SUCO: variants seen among roughly 807,000 people sequenced by gnomAD.
The protein encoded by SUCO is SUN domain-containing ossification factor.
A neutral mutation model predicts 148.1 loss-of-function variants in SUCO; 57 were observed. The observed-to-expected ratio is 0.38, with a 90% CI of 0.31 to 0.48. The LOEUF is 0.48. Ranked by LOEUF, SUCO falls within the 20% of genes least tolerant of loss-of-function variation. The pLI is 0.96. For missense variants in SUCO, 1,331 were observed against 1,468.2 expected (o/e 0.91, Z 1.53); for synonymous variants, 470 against 502.7 (o/e 0.93, Z 0.87).
chr1:172,533,362 T>C lies in SUCO; in HGVS notation c.-74T>C. 2 of 1,551,776 alleles carry C rather than the reference T, an allele frequency of 1.3e-6. No individual in the cohort carries two copies. Among genetic ancestry groups the C allele is most frequent in the Non-Finnish European group, 1.7e-6 (2 of 1,147,050 alleles). On this transcript the variant is annotated 5_prime_UTR_variant, in exon 1 of 24. Transcript: ENST00000263688. The stretch of plus-strand genomic sequence containing the variant: ...ATTCTCGCGCTCCTGCTCCGGCTCC[T>C]CCATCTTGGCCTCGGCAGTGGCGGC...
Position 172,570,107 on chromosome 1 carries a change from A to T in SUCO, c.917A>T (p.Asn306Ile), listed in dbSNP as rs368774692. ...CATGCCACCAAAAAGGTCCAGAAAAATCGAAATAATTATGCCTCAGTAGAA... is the reference window on the plus strand; with the variant it reads ...CATGCCACCAAAAAGGTCCAGAAAATTCGAAATAATTATGCCTCAGTAGAA... The part of the protein sequence containing the change: ...GSHATKKVQK[N>I]RNNYASVECG... Residue 306 changes from asparagine to isoleucine, a missense_variant, in exon 8 of 24, where the codon AAT (asparagine) becomes ATT (isoleucine). Coordinates refer to ENST00000263688, the MANE Select transcript of SUCO (RefSeq NM_014283.5). 206 of 1,596,282 alleles carry T rather than the reference A, an allele frequency of 1.3e-4. 1 individual carries two copies. Among genetic ancestry groups the T allele is most frequent in the Non-Finnish European group, 1.7e-4 (194 of 1,169,858 alleles).
At chr1:172,559,546 C>T (rs944795963) in intron 6 of SUCO, among the ~76,000 whole-genome samples, 3 of 151,546 alleles carry the variant, frequency 2.0e-5, no homozygotes, top group African/African-American at 7.3e-5. Flanking sequence ...CGGCAGTGTA[C>T]AGCAGCAGCA....
chr1:172,581,023 C>G (rs1655842027), intron 15 of SUCO, among the ~76,000 whole-genome samples: 3 of 152,102 alleles, frequency 2.0e-5, no homozygotes, highest in African/African-American at 7.2e-5. Context: ...TCGCTTGAAC[C>G]CAGGAGGCGG....
intron 21 of SUCO, 106 bp from the exon 22 acceptor site, chr1:172,602,590 G>T (rs561119555): frequency 3.3e-6 from 5 of 1,494,080 alleles, no homozygotes; most frequent in South Asian, 1.5e-5. Flanking sequence ...AGTTAGTCCC[G>T]TGTGGTATGT....
intron 3 of SUCO, 101 bp from the exon 4 acceptor site, chr1:172,555,768 A>T: frequency 2.1e-6 from 2 of 941,680 alleles, no homozygotes; most frequent in Non-Finnish European, 3.0e-6. Context: ...CATTGTTTAT[A>T]TTGTCATTTT....
At chr1:172,566,108 G>A (rs1029158242) in intron 6 of SUCO, among the ~76,000 whole-genome samples, 3 of 152,206 alleles carry the variant, frequency 2.0e-5, no homozygotes, top group Admixed American at 2.0e-4. Flanking sequence ...TGAGGCAGTG[G>A]CATTATGGCC....
chr1:172,568,014 C>A (rs1343240295), intron 6 of SUCO, among the ~76,000 whole-genome samples: 6 of 152,176 alleles, frequency 3.9e-5, no homozygotes, highest in Non-Finnish European at 8.8e-5. Context: ...TCAGTGGTGG[C>A]ATTAGAATCT....
At chr1:172,568,430 G>C (rs1012709743) in intron 6 of SUCO, 2 of 978,098 alleles carry the variant, frequency 2.0e-6, no homozygotes, top group Admixed American at 6.4e-5. Flanking sequence ...TGTCATTTAT[G>C]GTTAACCTAA....
At chr1:172,597,879 T>C (rs994021081) in intron 19 of SUCO, among the ~76,000 whole-genome samples, 4 of 152,350 alleles carry the variant, frequency 2.6e-5, no homozygotes, top group Middle Eastern at 3.4e-3. Flanking sequence ...AGATACACTT[T>C]GCAAATATTT....
intron 19 of SUCO, among the ~76,000 whole-genome samples, chr1:172,592,251 C>A (rs1160191692): frequency 6.6e-6 from 1 of 152,290 alleles, no homozygotes; most frequent in African/African-American, 2.4e-5. Context: ...ATGGTAGTTT[C>A]TTTTGCTGTG....
rs1427136296 is a variant in SUCO, at chr1:172,588,809, G to A, written c.1708G>A (p.Asp570Asn). ...HTHDMEPSTP[D>N]TPKESPIVQL... Reference sequence around the variant, plus strand: ...ACATGACATGGAGCCGTCAACACCAGATACTCCAAAAGAGAGTCCCATTGT... The same window carrying A: ...ACATGACATGGAGCCGTCAACACCAAATACTCCAAAAGAGAGTCCCATTGT... The change falls in exon 18 of 24, where the codon GAT (aspartate) becomes AAT (asparagine). Residue 570 changes from aspartate (D) to asparagine (N), a missense_variant. Coordinates refer to ENST00000263688, the MANE Select transcript of SUCO (RefSeq NM_014283.5). The A allele has an allele frequency of 2.5e-6, 4 of 1,592,558 alleles. No individual in the cohort carries two copies. Among genetic ancestry groups the A allele is most frequent in the Non-Finnish European group, 3.4e-6 (4 of 1,170,826 alleles).
intron 9 of SUCO, 65 bp from the exon 10 acceptor site, chr1:172,573,826 T>C (rs1655223385): frequency 1.1e-6 from 1 of 875,210 alleles, no homozygotes; most frequent in East Asian, 2.5e-5. Context: ...AAACTGTTAA[T>C]GTCATATTTA....
intron 22 of SUCO, among the ~76,000 whole-genome samples, chr1:172,607,846 CAAT>C (rs1031265145): frequency 4.7e-4 from 71 of 151,920 alleles, no homozygotes; most frequent in African/African-American, 1.7e-3. Context: ...ATGACTTTCT[CAAT>C]AAATCTCTGA....
At chr1:172,596,260 G>T (rs772087269) in intron 19 of SUCO, among the ~76,000 whole-genome samples, 23 of 152,052 alleles carry the variant, frequency 1.5e-4, no homozygotes, top group Non-Finnish European at 2.9e-4. Context: ...GTTATTACCA[G>T]TTGTCTGAAG....
chr1:172,607,351 A>G (rs1386880898), intron 22 of SUCO, among the ~76,000 whole-genome samples: 2 of 151,558 alleles, frequency 1.3e-5, no homozygotes, highest in African/African-American at 2.4e-5. Context: ...CCACCAGGTG[A>G]TGATAATTTG....
At chr1:172,600,190 G>T (rs1486716851) in intron 20 of SUCO, 22 bp downstream of exon 20, 2 of 1,528,814 alleles carry the variant, frequency 1.3e-6, no homozygotes, top group African/African-American at 2.7e-5. Flanking sequence ...TGCTGGTATT[G>T]CGAGACCCAA....
intron 22 of SUCO, 78 bp from the exon 23 acceptor site, chr1:172,608,669 A>C: frequency 1.1e-6 from 1 of 929,740 alleles, no homozygotes; most frequent in Non-Finnish European, 1.7e-6. Context: ...GATTTGTCTT[A>C]TTTTAGTGTT....
At chr1:172,577,112 A>AATAT (rs1247818726) in intron 11 of SUCO, 1 of 486,830 alleles carries the variant, frequency 2.1e-6, no homozygotes, top group Non-Finnish European at 2.7e-6. Flanking sequence ...ATATGTGTAG[A>AATAT]ATATATATGT....
At chr1:172,551,468 T>G in intron 1 of SUCO, 44 bp from the exon 2 acceptor site, 1 of 1,278,300 alleles carries the variant, frequency 7.8e-7, no homozygotes, top group Non-Finnish European at 1.1e-6. Context: ...TCTTTCTTTC[T>G]CTTTCTCTTT....
Sources: allele counts gnomAD v4.1 joint callset (sites outside exome capture counted in the v4.1 genomes callset), GRCh38; gene constraint gnomAD v4.1.1; transcripts MANE v1.5; gene names NCBI Gene and HGNC (gene_info 2026-07-23, HGNC 2026-07-21).